The following ARL3 variants were observed in gnomAD, a reference collection of about 807,000 sequenced individuals.
ARL3 encodes ADP-ribosylation factor-like protein 3.
Under a neutral mutation model 26.0 loss-of-function variants are expected in ARL3, and 9 were observed. The observed-to-expected ratio is 0.35, with a 90% CI of 0.21 to 0.60. ARL3 has a LOEUF of 0.60. ARL3 is among the 20% of genes least tolerant of loss of function. The pLI, the probability that ARL3 is intolerant of heterozygous loss-of-function variation, is 0.78. For synonymous variants in ARL3, 71 were observed against 78.4 expected (o/e 0.91, Z 0.50); for missense variants, 158 against 215.7 (o/e 0.73, Z 1.67).
intron 4 of ARL3, among the ~76,000 whole-genome samples, chr10:102,688,791 C>T (rs988947289): frequency 6.6e-6 from 1 of 152,196 alleles, no homozygotes; most frequent in Admixed American, 6.5e-5. Flanking sequence ...GCGCGAGCCA[C>T]CGCACCCAGC....
chr10:102,693,697 T>C (rs1030691442), intron 3 of ARL3, among the ~76,000 whole-genome samples: 3 of 152,076 alleles, frequency 2.0e-5, no homozygotes, highest in Admixed American at 2.0e-4. Flanking sequence ...TTTTTTGAGA[T>C]AGAGTCTCAC....
intron 1 of ARL3, among the ~76,000 whole-genome samples, chr10:102,712,648 T>TAC (rs1377163007): frequency 6.6e-6 from 1 of 152,234 alleles, no homozygotes; most frequent in Non-Finnish European, 1.5e-5. Flanking sequence ...AATCATGGAT[T>TAC]ACACAGTACA....
intron 3 of ARL3, among the ~76,000 whole-genome samples, chr10:102,691,497 G>A (rs1423930710): frequency 1.3e-5 from 2 of 152,080 alleles, no homozygotes; most frequent in Non-Finnish European, 2.9e-5. Flanking sequence ...ACAAATGTAT[G>A]TGGCTATGTT....
rs951627190 is a variant in ARL3 at position 102,699,525 on chromosome 10, C to T, written c.148-36G>A. The T allele has an allele frequency of 1.3e-5, 16 of 1,255,264 alleles. No homozygotes were observed. The African/African-American group carries it at 2.4e-4, about 19-fold the overall frequency. The allele number at this position is 1,255,264 out of a possible 1,614,324, so 77.8% of individuals were successfully genotyped here. ...GACAAAAACATCAAGTTTTATTAAA[C>T]TTTGGGATCATAATTCTGACAAAGT... On this transcript the variant is annotated intron_variant, in intron 2 of 5. Transcript: ENST00000260746.
chr10:102,705,266 T>C, intron 2 of ARL3, 80 bp downstream of exon 2: 2 of 1,441,142 alleles, frequency 1.4e-6, no homozygotes, highest in Non-Finnish European at 1.9e-6. Context: ...TGGACAAAAC[T>C]GTATTTCCCA....
At chr10:102,691,305 A>G (rs1243622682) in intron 3 of ARL3, among the ~76,000 whole-genome samples, 1 of 118,802 alleles carries the variant, frequency 8.4e-6, no homozygotes, top group Non-Finnish European at 1.6e-5. Context: ...CCAGAGTGTG[A>G]TATTCCCCTT....
chr10:102,678,963 C>T (rs2064142739), intron 5 of ARL3, among the ~76,000 whole-genome samples: 1 of 152,244 alleles, frequency 6.6e-6, no homozygotes, highest in Non-Finnish European at 1.5e-5. Context: ...CAGTCCCTGC[C>T]AGCTGACCCC....
chr10:102,685,726 T>A, intron 5 of ARL3, 90 bp downstream of exon 5: 1 of 1,350,566 alleles, frequency 7.4e-7, no homozygotes, highest in Non-Finnish European at 1.0e-6. Context: ...GAATGGCTCA[T>A]CTGCCCATCA....
Position 102,687,119 on chromosome 10 carries a change from AC to A in ARL3, c.316-1119del, listed in dbSNP as rs748214556. ...TCTTGAACTCCTGACCTTGTGATCC[AC>A]CCCCCACCTTGGCCTCCCAAAGTGC... On this transcript the variant is annotated intron_variant, in intron 4 of 5. Transcript: ENST00000260746. Among the ~76,000 whole-genome samples, 3 of 144,916 alleles carry A rather than the reference AC, an allele frequency of 2.1e-5. No homozygotes were observed. In the Admixed American group the frequency reaches 2.1e-4, roughly 10 times the overall value.
intron 2 of ARL3, 98 bp downstream of exon 2, chr10:102,705,248 C>T: frequency 2.2e-6 from 3 of 1,376,746 alleles, no homozygotes; most frequent in Non-Finnish European, 2.9e-6. Context: ...AGAGACAAAA[C>T]TTGGAAGTGG....
At chr10:102,690,015 G>T in intron 3 of ARL3, 72 bp from the exon 4 acceptor site, 2 of 952,116 alleles carry the variant, frequency 2.1e-6, no homozygotes, top group Non-Finnish European at 3.2e-6. Flanking sequence ...TGCAAAAGGA[G>T]CAGGTGATCC....
At chr10:102,701,030 C>T (rs576544879) in intron 2 of ARL3, among the ~76,000 whole-genome samples, 4 of 152,140 alleles carry the variant, frequency 2.6e-5, no homozygotes, top group African/African-American at 9.7e-5. Context: ...AGCCACTGCA[C>T]CGGGCTGGAA....
chr10:102,698,362 CCA>C (rs760857744), intron 3 of ARL3, among the ~76,000 whole-genome samples: 3 of 152,066 alleles, frequency 2.0e-5, no homozygotes, highest in South Asian at 2.1e-4. Flanking sequence ...GCATGAGCCA[CCA>C]CACCTGGTCT....
intron 1 of ARL3, among the ~76,000 whole-genome samples, chr10:102,710,083 AG>A (rs1194438876): frequency 1.3e-5 from 2 of 152,228 alleles, no homozygotes; most frequent in Non-Finnish European, 1.5e-5. Flanking sequence ...CTAATGGTGT[AG>A]AATACAGTGC....
chr10:102,700,521 G>A (rs1306464053), intron 2 of ARL3, among the ~76,000 whole-genome samples: 1 of 151,280 alleles, frequency 6.6e-6, no homozygotes, highest in Non-Finnish European at 1.5e-5. Context: ...CTGGAGTGCA[G>A]TGGCATGGTC....
At position 102,676,819 on chromosome 10, in the gene ARL3, C is replaced by G. The variant is rs764162525; in HGVS notation, c.*75G>C. On this transcript the variant is annotated 3_prime_UTR_variant, in exon 6 of 6. Coordinates refer to ENST00000260746, the MANE Select transcript of ARL3 (RefSeq NM_004311.4). ...GTACACAGATGGAAAAACATTTGGT[C>G]AGAAAGCAGCAAATTAGTGTTTTTC... The G allele has an allele frequency of 5.4e-6, 8 of 1,485,302 alleles. No homozygotes were observed. Among genetic ancestry groups the G allele is most frequent in the South Asian group, 1.1e-5 (1 of 87,852 alleles). The allele number at this position is 1,485,302 out of a possible 1,614,324, so 92.0% of individuals were successfully genotyped here.
intron 1 of ARL3, among the ~76,000 whole-genome samples, chr10:102,706,171 G>A (rs918312376): frequency 7.2e-5 from 11 of 152,152 alleles, no homozygotes; most frequent in East Asian, 5.8e-4. Context: ...AGATTTTATC[G>A]CCGGGCACGG....
intron 3 of ARL3, among the ~76,000 whole-genome samples, chr10:102,692,412 T>C (rs1171068489): frequency 6.6e-6 from 1 of 152,192 alleles, no homozygotes. Context: ...TTGAAACATG[T>C]ATACACTTTT....
intron 1 of ARL3, among the ~76,000 whole-genome samples, chr10:102,711,579 G>A (rs909019137): frequency 1.3e-5 from 2 of 151,732 alleles, no homozygotes; most frequent in Admixed American, 6.6e-5. Context: ...GTGAAACCCC[G>A]TCTCTACTAA....
Sources: allele counts gnomAD v4.1 joint callset (sites outside exome capture counted in the v4.1 genomes callset), GRCh38; gene constraint gnomAD v4.1.1; transcripts MANE v1.5; gene names NCBI Gene and HGNC (gene_info 2026-07-23, HGNC 2026-07-21).